PRICKLE2: variants seen among roughly 807,000 people sequenced by gnomAD.
PRICKLE2 encodes prickle-like protein 2.
Under a neutral mutation model 81.4 loss-of-function variants are expected in PRICKLE2, and 21 were observed. That is an observed-to-expected ratio of 0.26 (90% CI 0.18 to 0.37). PRICKLE2 has a LOEUF of 0.37. Among genes scored for constraint, PRICKLE2 ranks in the 10% least tolerant of loss-of-function variants. The pLI is 1.00. For missense variants in PRICKLE2, 940 were observed against 1,109.0 expected (o/e 0.85, Z 2.16); for synonymous variants, 456 against 421.5 (o/e 1.08, Z -1.00).
chr3:64,213,221 A>T (rs888275064), intron 1 of PRICKLE2, among the ~76,000 whole-genome samples: 1 of 151,932 alleles, frequency 6.6e-6, no homozygotes, highest in African/African-American at 2.4e-5. Context: ...CTGAGATTAC[A>T]GGCATGTGCC....
intron 5 of PRICKLE2, among the ~76,000 whole-genome samples, chr3:64,155,256 C>G (rs1443778506): frequency 2.1e-5 from 3 of 141,246 alleles, no homozygotes; most frequent in Non-Finnish European, 4.6e-5. Context: ...AGAAGATACA[C>G]AAATATCTAA....
intron 7 of PRICKLE2, among the ~76,000 whole-genome samples, chr3:64,120,611 C>A (rs1575560214): frequency 6.6e-6 from 1 of 152,298 alleles, no homozygotes; most frequent in East Asian, 1.9e-4. Context: ...GATTCTGAAT[C>A]TCTGACAAGC....
intron 2 of PRICKLE2, among the ~76,000 whole-genome samples, chr3:64,178,881 TTAACTTATGGCCAACAGCACTA>T (rs1232752369): frequency 6.6e-6 from 1 of 152,208 alleles, no homozygotes; most frequent in African/African-American, 2.4e-5. Context: ...TCATTAACAT[TTAACTTATGGCCAACAGCACTA>T]TAACTCATGC....
At chr3:64,203,971 C>T (rs932316258) in intron 1 of PRICKLE2, among the ~76,000 whole-genome samples, 1 of 151,918 alleles carries the variant, frequency 6.6e-6, no homozygotes, top group Non-Finnish European at 1.5e-5. Flanking sequence ...GAGCGAGATG[C>T]TGTCTCAACA....
chr3:64,128,475 C>T (rs2077146008), intron 7 of PRICKLE2, among the ~76,000 whole-genome samples: 1 of 152,020 alleles, frequency 6.6e-6, no homozygotes, highest in South Asian at 2.1e-4. Context: ...TGGCCAGGTG[C>T]GGTGGCCAAC....
chr3:64,168,010 C>T (rs191536088), intron 2 of PRICKLE2, among the ~76,000 whole-genome samples: 6 of 152,138 alleles, frequency 3.9e-5, no homozygotes, highest in African/African-American at 1.4e-4. Context: ...ATCTAGGAAG[C>T]CCAGAAAAGG....
At chr3:64,104,047 G>T (rs1461256666) in intron 7 of PRICKLE2, among the ~76,000 whole-genome samples, 3 of 152,084 alleles carry the variant, frequency 2.0e-5, no homozygotes, top group African/African-American at 7.2e-5. Context: ...TTTTAACATT[G>T]GATATGCCTA....
chr3:64,100,366 T>C, intron 7 of PRICKLE2: 1 of 169,744 alleles, frequency 5.9e-6, no homozygotes, highest in Non-Finnish European at 1.3e-5. Flanking sequence ...CCAAGCTGTT[T>C]CTGGCAATAC....
upstream of PRICKLE2, among the ~76,000 whole-genome samples, chr3:64,228,430 G>A (rs2079058139): frequency 6.6e-6 from 1 of 152,060 alleles, no homozygotes; most frequent in Admixed American, 6.6e-5. Flanking sequence ...TGAGGAAGCT[G>A]GATATCTATG....
chr3:64,133,438 T>A (rs1380876810), intron 7 of PRICKLE2, among the ~76,000 whole-genome samples: 1 of 152,180 alleles, frequency 6.6e-6, no homozygotes, highest in Non-Finnish European at 1.5e-5. Flanking sequence ...ATGATCTCAG[T>A]GGAAAACTTC....
intron 1 of PRICKLE2, among the ~76,000 whole-genome samples, chr3:64,202,645 C>CGTGTGTGTGTGTGTGTGTGT (rs71099794): frequency 2.0e-5 from 3 of 149,326 alleles, no homozygotes; most frequent in African/African-American, 4.9e-5. Context: ...TACTTGTGTG[C>CGTGTGTGTGTGTGTGTGTGT]GTGTGTGTGT....
In PRICKLE2 at chr3:64,104,240, C is replaced by T. The variant is rs1398416878; in HGVS notation, c.1661-4315G>A. The stretch of plus-strand genomic sequence containing the variant: ...ACAGCCTAATCACTTCCAGAGCCTC[C>T]CCAATATGAAAGCAGAGAGGAGAGG... On this transcript the variant is annotated intron_variant, in intron 7 of 7. Coordinates refer to ENST00000638394, the MANE Select transcript of PRICKLE2 (RefSeq NM_198859.4). Among the ~76,000 whole-genome samples, 5 of 152,208 alleles carry T rather than the reference C, an allele frequency of 3.3e-5. No homozygotes were observed. In the South Asian group the frequency reaches 1.0e-3, roughly 32 times the overall value.
intron 2 of PRICKLE2, among the ~76,000 whole-genome samples, chr3:64,233,592 G>A (rs559553620): frequency 3.0e-4 from 45 of 152,310 alleles, no homozygotes; most frequent in African/African-American, 1.0e-3. Flanking sequence ...TGAGGGCTAA[G>A]TCTTACCATC....
At chr3:64,157,061 G>C in intron 5 of PRICKLE2, 101 bp downstream of exon 5, 1 of 1,075,072 alleles carries the variant, frequency 9.3e-7, no homozygotes, top group Non-Finnish European at 1.4e-6. Context: ...AAATGAAGTT[G>C]CCTATGGCTT....
At chr3:64,157,520 T>G (rs917020260) in intron 4 of PRICKLE2, among the ~76,000 whole-genome samples, 155 bp from the exon 5 acceptor site, 1 of 152,176 alleles carries the variant, frequency 6.6e-6, no homozygotes, top group Admixed American at 6.5e-5. Flanking sequence ...GCAGGGCAGG[T>G]TTTTCTTGTC....
intron 2 of PRICKLE2, among the ~76,000 whole-genome samples, chr3:64,186,894 G>C (rs2078244111): frequency 6.6e-6 from 1 of 152,200 alleles, no homozygotes; most frequent in Non-Finnish European, 1.5e-5. Context: ...CTACAGTGTA[G>C]ACTGCCCAGT....
chr3:64,166,519 G>GTCA (rs2077835183), intron 2 of PRICKLE2, among the ~76,000 whole-genome samples: 1 of 152,118 alleles, frequency 6.6e-6, no homozygotes, highest in South Asian at 2.1e-4. Context: ...ACTACTCTTT[G>GTCA]GGAACACAGC....
intron 1 of PRICKLE2, among the ~76,000 whole-genome samples, chr3:64,215,317 G>A (rs1326623249): frequency 1.3e-5 from 2 of 152,012 alleles, no homozygotes; most frequent in Non-Finnish European, 2.9e-5. Flanking sequence ...GCTGCTCCTC[G>A]GCCCAAAACA....
chr3:64,262,966 G>A (rs951962450), intron 2 of PRICKLE2, among the ~76,000 whole-genome samples: 2 of 152,152 alleles, frequency 1.3e-5, no homozygotes, highest in African/African-American at 4.8e-5. Context: ...CACATTAAGA[G>A]GTGAGGCTGA....
Sources: allele counts gnomAD v4.1 joint callset (sites outside exome capture counted in the v4.1 genomes callset), GRCh38; gene constraint gnomAD v4.1.1; transcripts MANE v1.5; gene names NCBI Gene and HGNC (gene_info 2026-07-23, HGNC 2026-07-21).